WDR33: variants seen among roughly 807,000 people sequenced by gnomAD.
WDR33 encodes pre-mRNA 3' end processing protein WDR33.
WDR33 carries 47 observed loss-of-function variants against 164.9 expected under a neutral mutation model. The observed-to-expected ratio is 0.29, with a 90% CI of 0.23 to 0.36. WDR33 has a LOEUF of 0.36. Ranked by LOEUF, WDR33 falls within the 10% of genes least tolerant of loss-of-function variation. The probability of loss-of-function intolerance (pLI) is 1.00; values close to 1 mark genes in which losing one functional copy is unlikely to be tolerated. For synonymous variants in WDR33, 505 were observed against 589.0 expected, an observed-to-expected ratio of 0.86 and a Z score of 2.06; for missense variants, 1,137 against 1,754.1, an observed-to-expected ratio of 0.65 and a Z score of 6.28.
intron 1 of WDR33, among the ~76,000 whole-genome samples, chr2:127,781,637 C>T (rs1290215747): frequency 6.6e-6 from 1 of 152,012 alleles, no homozygotes; most frequent in African/African-American, 2.4e-5. Flanking sequence ...TGTGAATCTA[C>T]AATTATCTCA....
intron 7 of WDR33, among the ~76,000 whole-genome samples, chr2:127,734,294 T>C (rs1015698688): frequency 1.3e-4 from 20 of 152,174 alleles, no homozygotes; most frequent in African/African-American, 4.8e-4. Context: ...TATTAAGCAT[T>C]GAGAACAGTG....
At chr2:127,776,450 C>T (rs1688186930) in intron 1 of WDR33, among the ~76,000 whole-genome samples, 1 of 152,162 alleles carries the variant, frequency 6.6e-6, no homozygotes, top group African/African-American at 2.4e-5. Context: ...AAACATTGAG[C>T]AATCACAACT....
chr2:127,744,491 TC>T (rs756127962), intron 7 of WDR33, among the ~76,000 whole-genome samples: 3 of 152,164 alleles, frequency 2.0e-5, no homozygotes, highest in Non-Finnish European at 2.9e-5. Flanking sequence ...CGTAGTATAA[TC>T]TCCTTTCATG....
chr2:127,766,056 C>G (rs574583669), intron 4 of WDR33, among the ~76,000 whole-genome samples: 1 of 151,974 alleles, frequency 6.6e-6, no homozygotes, highest in Non-Finnish European at 1.5e-5. Context: ...CACTTAAGGC[C>G]CTTTAAATAT....
chr2:127,796,357 AACC>A (rs1328304174), intron 1 of WDR33, among the ~76,000 whole-genome samples: 1 of 151,956 alleles, frequency 6.6e-6, no homozygotes, highest in African/African-American at 2.4e-5. Flanking sequence ...TACGGGCATA[AACC>A]ACCACACCTG....
chr2:127,711,647 T>C (rs1450885454), intron 18 of WDR33, among the ~76,000 whole-genome samples: 4 of 148,468 alleles, frequency 2.7e-5, no homozygotes, highest in Non-Finnish European at 4.4e-5. Flanking sequence ...AAACAATTGC[T>C]TCCTTAGCCC....
At chr2:127,799,667 C>A (rs1429442018) in intron 1 of WDR33, among the ~76,000 whole-genome samples, 1 of 152,130 alleles carries the variant, frequency 6.6e-6, no homozygotes. Flanking sequence ...TGGTGGCAGG[C>A]ACCTGTAATC....
At chr2:127,762,376 C>T (rs1687703002) in intron 7 of WDR33, 2 of 415,564 alleles carry the variant, frequency 4.8e-6, no homozygotes, top group Non-Finnish European at 6.5e-6. Flanking sequence ...TCTACCACCA[C>T]TGAATTCACG....
chr2:127,791,208 C>A (rs887592057), intron 1 of WDR33, among the ~76,000 whole-genome samples: 2 of 128,784 alleles, frequency 1.6e-5, no homozygotes, highest in South Asian at 5.6e-4. Flanking sequence ...ACCCAGGCTG[C>A]AAGACAGTGG....
chr2:127,800,304 C>T (rs745524340), intron 1 of WDR33, among the ~76,000 whole-genome samples: 24 of 152,248 alleles, frequency 1.6e-4, no homozygotes, highest in Non-Finnish European at 3.1e-4. Context: ...TCCCAAATCA[C>T]CATCAACACT....
At chr2:127,740,469 C>T (rs142325720) in intron 7 of WDR33, among the ~76,000 whole-genome samples, 3,486 of 152,188 alleles carry the variant, frequency 0.023, 72 homozygotes, top group South Asian at 0.048. Flanking sequence ...GGCTTGAGCC[C>T]GGGAGGTCAA....
intron 1 of WDR33, among the ~76,000 whole-genome samples, chr2:127,792,887 T>G (rs1020153386): frequency 1.3e-5 from 2 of 152,126 alleles, no homozygotes; most frequent in African/African-American, 4.8e-5. Context: ...CTACCTTGAT[T>G]AGAGTACCTG....
At chr2:127,736,278 C>T (rs1686838684) in intron 7 of WDR33, 11 of 985,156 alleles carry the variant, frequency 1.1e-5, no homozygotes, top group South Asian at 4.7e-5. Context: ...TGGACACTTC[C>T]GGGGGAGGAA....
Position 127,714,983 on chromosome 2 carries a change from T to C in WDR33, c.2870-962A>G, listed in dbSNP as rs762181126. Among the ~76,000 whole-genome samples the C allele has an allele frequency of 6.6e-6, 1 of 152,154 alleles. No homozygotes were observed. The highest frequency in any genetic ancestry group is 2.1e-4 in the South Asian group (1 of 4,826). On this transcript the variant is annotated intron_variant, in intron 17 of 21. Transcript: ENST00000322313. The surrounding 1 kb of genome is among the most constrained non-coding windows in gnomAD (Gnocchi z 4.3). ...CAATAGCCCAGTTCATGCCTTTTAC[T>C]GCTTTTCCCTGGCTATAAAGACAAA...
At chr2:127,737,336 A>G (rs903316796) in intron 7 of WDR33, 1 of 985,430 alleles carries the variant, frequency 1.0e-6, no homozygotes, top group Non-Finnish European at 1.2e-6. Context: ...GCTGTAAGAA[A>G]GAGTACTCTG....
chr2:127,731,315 A>AC (rs1187978711), intron 7 of WDR33, among the ~76,000 whole-genome samples: 177 of 151,050 alleles, frequency 1.2e-3, no homozygotes, highest in African/African-American at 4.2e-3. Context: ...AAAAAAAAAA[A>AC]AAACACAGAA....
intron 1 of WDR33, among the ~76,000 whole-genome samples, chr2:127,787,548 A>C (rs1688633697): frequency 3.6e-5 from 3 of 83,780 alleles, no homozygotes; most frequent in Non-Finnish European, 6.8e-5. Flanking sequence ...TGACACCCCC[A>C]CCTCCCTCCC....
intron 1 of WDR33, among the ~76,000 whole-genome samples, chr2:127,789,552 G>A (rs1179588683): frequency 2.7e-5 from 4 of 149,726 alleles, no homozygotes; most frequent in Admixed American, 1.3e-4. Context: ...CCAGTCAGGC[G>A]TGGCGGCGCG....
rs890081285 is a variant in WDR33 at position 127,738,264 on chromosome 2, G to A, written c.725-11487C>T. Among the ~76,000 whole-genome samples, 6 of 152,038 alleles carry A rather than the reference G, an allele frequency of 3.9e-5. No individual in the cohort carries two copies. The highest frequency in any genetic ancestry group is 1.2e-4 in the African/African-American group (5 of 41,394). ...AATGTAATCTGAGAAAACTTCAACT[G>A]GGAGCTGGTTATATTATTAATTTCC... On this transcript the variant is annotated intron_variant, in intron 7 of 21. Transcript: ENST00000322313. This position sits in a 1 kb window ranked among gnomAD's most constrained non-coding sequence, Gnocchi z 4.4.
Sources: gnomAD v4.1 joint callset for allele counts (sites outside exome capture counted in the v4.1 genomes callset) on GRCh38, gnomAD v4.1.1 for gene constraint, Gnocchi (gnomAD v3.1) non-coding constraint, MANE v1.5 for transcripts, NCBI Gene and HGNC (gene_info 2026-07-23, HGNC 2026-07-21) for gene names.